Variants in EVI5 observed in about 807,000 individuals in gnomAD.
The protein encoded by EVI5 is ecotropic viral integration site 5.
In EVI5, 73 loss-of-function variants were observed where a neutral mutation model predicts 112.0. That is an observed-to-expected ratio of 0.65 (90% CI 0.54 to 0.79). The LOEUF (loss-of-function observed/expected upper bound fraction) is 0.79, where lower values mean the gene tolerates loss of function less well. EVI5 is among the 30% of genes least tolerant of loss of function. The pLI, the probability that EVI5 is intolerant of heterozygous loss-of-function variation, is 0.00. For synonymous variants in EVI5, 305 were observed against 319.9 expected, an observed-to-expected ratio of 0.95 and a Z score of 0.50; for missense variants, 900 against 968.8, an observed-to-expected ratio of 0.93 and a Z score of 0.94.
chr1:92,756,531 G>A (rs1570791096), intron 1 of EVI5: 4 of 527,664 alleles, frequency 7.6e-6, no homozygotes, highest in South Asian at 1.4e-5. Context: ...TCTTAGTGCC[G>A]TGTACTGAAC....
chr1:92,643,071 A>C (rs990368798), intron 13 of EVI5, among the ~76,000 whole-genome samples: 1 of 152,152 alleles, frequency 6.6e-6, no homozygotes, highest in African/African-American at 2.4e-5. Flanking sequence ...GTCCAACATA[A>C]ACACATTTGT....
At chr1:92,575,158 T>A (rs1338489459) in intron 18 of EVI5, among the ~76,000 whole-genome samples, 1 of 151,924 alleles carries the variant, frequency 6.6e-6, no homozygotes, top group Non-Finnish European at 1.5e-5. Context: ...AGAGCAGAAA[T>A]AATAGTACAA....
chr1:92,607,561 C>A lies in EVI5; in HGVS notation c.1974+20G>T. 1 of 1,521,588 alleles carries A rather than the reference C, an allele frequency of 6.6e-7. No individual in the cohort carries two copies. The highest frequency in any genetic ancestry group is 2.4e-5 in the East Asian group (1 of 41,040). The allele number at this position is 1,521,588 out of a possible 1,614,324, so 94.3% of individuals were successfully genotyped here. A position where few individuals can be genotyped will look rare whatever the true frequency, so the allele number is the denominator to read the frequency against. On this transcript the variant is annotated intron_variant, in intron 17 of 19. Transcript: ENST00000684568. ...TTATTATATTGACAAAAAACAAAAT[C>A]AGTTAGTTGACATATTTACCTTGCA...
intron 2 of EVI5, chr1:92,733,235 T>C (rs1330457520): frequency 1.9e-5 from 4 of 215,720 alleles, no homozygotes; most frequent in Non-Finnish European, 4.1e-5. Context: ...GATAATTTTG[T>C]AAAAATGTTG....
At chr1:92,726,333 A>T (rs1385518415) in intron 2 of EVI5, among the ~76,000 whole-genome samples, 1 of 152,202 alleles carries the variant, frequency 6.6e-6, no homozygotes, top group Non-Finnish European at 1.5e-5. Flanking sequence ...TGAGAGTAAC[A>T]AACAAACAAA....
intron 13 of EVI5, chr1:92,647,739 A>C (rs973992179): frequency 4.6e-5 from 8 of 172,160 alleles, no homozygotes; most frequent in Non-Finnish European, 8.7e-5. Context: ...GGTCAATAAC[A>C]TTTTTTGAGG....
At chr1:92,734,312 G>T (rs1214585532) in intron 2 of EVI5, among the ~76,000 whole-genome samples, 1 of 152,096 alleles carries the variant, frequency 6.6e-6, no homozygotes, top group African/African-American at 2.4e-5. Flanking sequence ...AAGAAAGATG[G>T]GATAGCTCAA....
At chr1:92,577,732 T>C (rs1571653525) in intron 18 of EVI5, among the ~76,000 whole-genome samples, 1 of 152,194 alleles carries the variant, frequency 6.6e-6, no homozygotes, top group Non-Finnish European at 1.5e-5. Context: ...AAGGAAAGCA[T>C]CAAATATCCA....
At chr1:92,748,905 A>C (rs951757015) in intron 1 of EVI5, among the ~76,000 whole-genome samples, 1 of 151,998 alleles carries the variant, frequency 6.6e-6, no homozygotes, top group Non-Finnish European at 1.5e-5. Context: ...ATCTCTACTA[A>C]AAATACAAAA....
At chr1:92,764,464 A>C (rs1398012480) in intron 1 of EVI5, among the ~76,000 whole-genome samples, 1 of 152,246 alleles carries the variant, frequency 6.6e-6, no homozygotes, top group Non-Finnish European at 1.5e-5. Flanking sequence ...CAGAACACTT[A>C]AACTTCCTCT....
intron 16 of EVI5, among the ~76,000 whole-genome samples, chr1:92,618,556 T>A (rs773360009): frequency 6.6e-6 from 1 of 152,184 alleles, no homozygotes; most frequent in Non-Finnish European, 1.5e-5. Flanking sequence ...AGTATTACCA[T>A]GCCCTGTGAT....
At chr1:92,717,885 AG>A (rs1178288959) in intron 2 of EVI5, among the ~76,000 whole-genome samples, 1 of 152,102 alleles carries the variant, frequency 6.6e-6, no homozygotes, top group African/African-American at 2.4e-5. Flanking sequence ...AAAAAAAACC[AG>A]GGGTTGCAAT....
At chr1:92,619,922 AAC>A (rs1654145718) in intron 16 of EVI5, among the ~76,000 whole-genome samples, 1 of 152,212 alleles carries the variant, frequency 6.6e-6, no homozygotes, top group Non-Finnish European at 1.5e-5. Flanking sequence ...GGAAACTGAA[AAC>A]ACAGAGAAAA....
At chr1:92,685,067 T>C (rs1392941508) in intron 9 of EVI5, among the ~76,000 whole-genome samples, 1 of 151,950 alleles carries the variant, frequency 6.6e-6, no homozygotes, top group Non-Finnish European at 1.5e-5. Flanking sequence ...ACTAGATATC[T>C]ACAGAACTAT....
intron 18 of EVI5, among the ~76,000 whole-genome samples, chr1:92,579,454 T>C (rs1242144700): frequency 1.3e-5 from 2 of 152,148 alleles, no homozygotes; most frequent in East Asian, 1.9e-4. Context: ...AAAACAAAGA[T>C]AAATCAAAGA....
intron 2 of EVI5, chr1:92,732,244 C>G: frequency 3.2e-6 from 1 of 314,060 alleles, no homozygotes. Flanking sequence ...TACGTCCTTA[C>G]TGTGAGAATA....
intron 1 of EVI5, among the ~76,000 whole-genome samples, chr1:92,769,744 G>A (rs140675581): frequency 5.7e-4 from 87 of 152,178 alleles, no homozygotes; most frequent in African/African-American, 2.0e-3. Flanking sequence ...AAAATTAGCC[G>A]GGTGTGGTGG....
At chr1:92,599,536 A>G (rs916889611) in intron 18 of EVI5, among the ~76,000 whole-genome samples, 4 of 152,120 alleles carry the variant, frequency 2.6e-5, no homozygotes, top group African/African-American at 9.6e-5. Flanking sequence ...ATATATCTAT[A>G]TTTATATAGA....
chr1:92,612,849 T>C (rs75469777), intron 16 of EVI5, among the ~76,000 whole-genome samples: 4,417 of 151,894 alleles, frequency 0.029, 188 homozygotes, highest in African/African-American at 0.089. Flanking sequence ...ATGATACAGC[T>C]AGAATAAATA....
Sources: gnomAD v4.1 joint callset for allele counts (sites outside exome capture counted in the v4.1 genomes callset) on GRCh38, gnomAD v4.1.1 for gene constraint, MANE v1.5 for transcripts, NCBI Gene and HGNC (gene_info 2026-07-23, HGNC 2026-07-21) for gene names.